NEMP2: variants seen among roughly 807,000 people sequenced by gnomAD.
NEMP2 encodes UPF0571 transmembrane protein.
Under a neutral mutation model 54.2 loss-of-function variants are expected in NEMP2, and 53 were observed. The observed-to-expected ratio is 0.98, with a 90% CI of 0.78 to 1.23. The LOEUF (loss-of-function observed/expected upper bound fraction) is 1.23. Among genes scored for constraint, NEMP2 ranks in the 50% most tolerant of loss-of-function variants. The pLI, the probability that NEMP2 is intolerant of heterozygous loss-of-function variation, is 0.00. For missense variants in NEMP2, 455 were observed against 511.3 expected (o/e 0.89, Z 1.06); for synonymous variants, 197 against 190.3 (o/e 1.04, Z -0.29).
the NEMP2 span, chr2:190,437,318 C>T: frequency 5.8e-5 from 93 of 1,614,120 alleles, no homozygotes; most frequent in African/African-American, 1.7e-4. This position sits in a 1 kb window ranked among gnomAD's most constrained non-coding sequence, Gnocchi z 5.9. Flanking sequence ...ACAAGCCACT[C>T]GCAGGCCTTC....
At chr2:190,633,078 C>T in the NEMP2 span, among the ~76,000 whole-genome samples, 1 of 152,146 alleles carries the variant, frequency 6.6e-6, no homozygotes, top group Admixed American at 6.5e-5. Flanking sequence ...TTGAAATCTA[C>T]TTCTTTTAAG....
chr2:190,478,470 C>G, the NEMP2 span, among the ~76,000 whole-genome samples: 1 of 152,184 alleles, frequency 6.6e-6, no homozygotes, highest in Non-Finnish European at 1.5e-5. Context: ...TCCTGCATCA[C>G]AGAAATACAT....
Position 190,530,254 on chromosome 2 carries a change from C to T in NEMP2, c.97+4305G>A, listed in dbSNP as rs1447273445. Among the ~76,000 whole-genome samples, 2 of 152,176 alleles carry T rather than the reference C, an allele frequency of 1.3e-5. No individual in the cohort carries two copies. The highest frequency in any genetic ancestry group is 4.8e-5 in the African/African-American group (2 of 41,440). On this transcript the variant is annotated intron_variant, in intron 1 of 8. Transcript: ENST00000409150. This position sits in a 1 kb window ranked among gnomAD's most constrained non-coding sequence, Gnocchi z 4.6. Reference sequence around the variant, plus strand: ...GTTGCAGTGTTTTCCCTCGAATTCTCCAGAGTGGCCTCTGGCTTTTGAGGT... The same window carrying T: ...GTTGCAGTGTTTTCCCTCGAATTCTTCAGAGTGGCCTCTGGCTTTTGAGGT...
chr2:190,616,986 G>C, the NEMP2 span: 1 of 151,988 alleles, frequency 6.6e-6, no homozygotes, highest in Non-Finnish European at 1.5e-5. The surrounding 1 kb of genome is among the most constrained non-coding windows in gnomAD (Gnocchi z 5.1). Context: ...AAAGGCAGGT[G>C]TGGTGGCTCG....
the NEMP2 span, among the ~76,000 whole-genome samples, chr2:190,606,037 A>C: frequency 6.6e-6 from 1 of 152,200 alleles, no homozygotes; most frequent in African/African-American, 2.4e-5. Context: ...ATTCAATGGA[A>C]TGTATCTGAG....
chr2:190,460,535 A>T, the NEMP2 span, among the ~76,000 whole-genome samples: 9 of 152,218 alleles, frequency 5.9e-5, no homozygotes, highest in African/African-American at 1.9e-4. Context: ...GTTCCGGACT[A>T]TTTACTGAGT....
At chr2:190,544,546 T>C in the NEMP2 span, among the ~76,000 whole-genome samples, 7 of 152,166 alleles carry the variant, frequency 4.6e-5, no homozygotes, top group African/African-American at 1.7e-4. Flanking sequence ...GTAGGTCTGA[T>C]ATATAGCTTG....
the NEMP2 span, among the ~76,000 whole-genome samples, chr2:190,499,071 C>T: frequency 1.3e-5 from 2 of 152,160 alleles, no homozygotes; most frequent in Non-Finnish European, 2.9e-5. This position sits in a 1 kb window ranked among gnomAD's most constrained non-coding sequence, Gnocchi z 6.0. Context: ...TTGCTTGAAC[C>T]CAGCAGGAGG....
the NEMP2 span, chr2:190,624,806 G>A: frequency 6.6e-6 from 1 of 152,230 alleles, no homozygotes; most frequent in South Asian, 2.1e-4. Context: ...GCTGGGAATA[G>A]TAGGGGTGAA....
At chr2:190,543,573 T>G in the NEMP2 span, among the ~76,000 whole-genome samples, 1 of 152,220 alleles carries the variant, frequency 6.6e-6, no homozygotes, top group Non-Finnish European at 1.5e-5. This position sits in a 1 kb window ranked among gnomAD's most constrained non-coding sequence, Gnocchi z 4.7. Context: ...ATTGTAAATA[T>G]GTAAGTTCAA....
In NEMP2 at chr2:190,529,248, A is replaced by G. The variant is rs751444105; in HGVS notation, c.98-3870T>C. Among the ~76,000 whole-genome samples the G allele has an allele frequency of 1.1e-4, 17 of 152,018 alleles. No individual in the cohort carries two copies. Among genetic ancestry groups the G allele is most frequent in the South Asian group, 2.1e-4 (1 of 4,816 alleles). On this transcript the variant is annotated intron_variant, in intron 1 of 8. Coordinates refer to ENST00000409150, the MANE Select transcript of NEMP2 (RefSeq NM_001142645.2). This position sits in a 1 kb window ranked among gnomAD's most constrained non-coding sequence, Gnocchi z 4.7. ...TCATTTACCTGCTTAAAACCCTCCA[A>G]TGGTTTCCTTTTACACCATTAATAA...
chr2:190,597,173 A>T, the NEMP2 span, among the ~76,000 whole-genome samples: 1 of 151,266 alleles, frequency 6.6e-6, no homozygotes, highest in Non-Finnish European at 1.5e-5. The surrounding 1 kb of genome is among the most constrained non-coding windows in gnomAD (Gnocchi z 4.7). Flanking sequence ...CTGAAGTAAG[A>T]GGATCGCTTG....
chr2:190,485,059 C>G, the NEMP2 span, among the ~76,000 whole-genome samples: 1 of 152,148 alleles, frequency 6.6e-6, no homozygotes, highest in Non-Finnish European at 1.5e-5. This position sits in a 1 kb window ranked among gnomAD's most constrained non-coding sequence, Gnocchi z 5.1. Context: ...ACAACTACCA[C>G]TTAATACTAG....
chr2:190,626,468 A>AAG, the NEMP2 span: 5 of 151,504 alleles, frequency 3.3e-5, no homozygotes, highest in South Asian at 4.2e-4. The surrounding 1 kb of genome is among the most constrained non-coding windows in gnomAD (Gnocchi z 4.5). Context: ...GAGAGAGAGA[A>AAG]AGAGAGAGAG....
chr2:190,608,103 T>G, the NEMP2 span: 2 of 152,256 alleles, frequency 1.3e-5, no homozygotes, highest in Admixed American at 6.5e-5. The surrounding 1 kb of genome is among the most constrained non-coding windows in gnomAD (Gnocchi z 4.9). Flanking sequence ...CCACCCAGGA[T>G]GTGAATCATC....
At chr2:190,590,030 A>G in the NEMP2 span, among the ~76,000 whole-genome samples, 7 of 152,154 alleles carry the variant, frequency 4.6e-5, no homozygotes, top group Non-Finnish European at 7.3e-5. The surrounding 1 kb of genome is among the most constrained non-coding windows in gnomAD (Gnocchi z 5.1). Context: ...TGGGTCCATC[A>G]CCATAATGGA....
chr2:190,605,221 A>T, the NEMP2 span, among the ~76,000 whole-genome samples: 1 of 152,118 alleles, frequency 6.6e-6, no homozygotes, highest in Non-Finnish European at 1.5e-5. Context: ...GAATAAGGTC[A>T]GAATTCCTTG....
At position 190,516,373 on chromosome 2, in the gene NEMP2, A is replaced by C; in HGVS notation, c.624T>G (p.Phe208Leu). The C allele has an allele frequency of 1.9e-6, 3 of 1,551,134 alleles. No homozygotes were observed. The highest frequency in any genetic ancestry group is 2.6e-6 in the Non-Finnish European group (3 of 1,146,688). ...VKRFIPKYST[F>L]WALMVGCWFA... ...ACCAACAACCAACCATTAGAGCCCA[A>C]AAGGTGCTATACTGTGTGTGGAAGA... The change falls in exon 6 of 9, where the codon TTT becomes TTG. Residue 208 changes from phenylalanine to leucine, a missense_variant. By Grantham distance (22) the Phe-to-Leu change is conservative. This residue lies in a region of NEMP2 where 294 missense variants were observed against 333.6 expected (regional missense o/e 0.88). Coordinates refer to ENST00000409150, the MANE Select transcript of NEMP2 (RefSeq NM_001142645.2).
intron 6 of NEMP2, 125 bp downstream of exon 6, chr2:190,516,145 A>G (rs1163064793): frequency 1.0e-5 from 6 of 595,082 alleles, no homozygotes; most frequent in Admixed American, 9.3e-5. Context: ...TATTTTTAGT[A>G]GCACCTTTCG....
Sources: gnomAD v4.1 joint callset for allele counts (sites outside exome capture counted in the v4.1 genomes callset) on GRCh38, gnomAD v4.1.1 for gene constraint, gnomAD v4.1.1 regional missense constraint, Gnocchi (gnomAD v3.1) non-coding constraint, MANE v1.5 for transcripts, NCBI Gene and HGNC (gene_info 2026-07-23, HGNC 2026-07-21) for gene names.